PPIL1: variants seen among roughly 807,000 people sequenced by gnomAD.
PPIL1 encodes the protein peptidyl-prolyl cis-trans isomerase-like 1.
PPIL1 carries 14 observed loss-of-function variants against 19.4 expected under a neutral mutation model. The ratio of observed to expected loss-of-function variants is 0.72; its 90% confidence interval spans 0.48 to 1.13. The LOEUF is 1.13. Ranked by LOEUF, PPIL1 falls within the 50% of genes most tolerant of loss-of-function variation. PPIL1 has a pLI of 0.00. For synonymous variants in PPIL1, 72 were observed against 73.6 expected, an observed-to-expected ratio of 0.98 and a Z score of 0.11; for missense variants, 192 against 218.0, an observed-to-expected ratio of 0.88 and a Z score of 0.75.
intron 1 of PPIL1, among the ~76,000 whole-genome samples, chr6:36,872,887 A>T (rs1774546430): frequency 1.3e-5 from 2 of 152,182 alleles, no homozygotes; most frequent in African/African-American, 2.4e-5. Context: ...TGGATTACAG[A>T]TGTGAGCTAT....
intron 2 of PPIL1, among the ~76,000 whole-genome samples, chr6:36,859,754 C>G (rs904532871): frequency 2.6e-5 from 4 of 151,592 alleles, no homozygotes; most frequent in Non-Finnish European, 5.9e-5. Context: ...GGAAGCTTTG[C>G]AGGTTCTGTG....
chr6:36,872,613 AT>A (rs564664124), intron 1 of PPIL1, among the ~76,000 whole-genome samples: 62 of 146,878 alleles, frequency 4.2e-4, no homozygotes, highest in Middle Eastern at 3.5e-3. Context: ...GGATGTGACA[AT>A]TTTTTTTTTT....
chr6:36,856,071 A>C (rs1583103576), intron 3 of PPIL1, 38 bp from the exon 4 acceptor site: 2 of 1,578,530 alleles, frequency 1.3e-6, no homozygotes, highest in Admixed American at 1.8e-5. Context: ...AGTATAAATA[A>C]CCCCACAGGT....
chr6:36,870,820 C>T (rs960662941), intron 2 of PPIL1, among the ~76,000 whole-genome samples: 1 of 152,142 alleles, frequency 6.6e-6, no homozygotes, highest in East Asian at 1.9e-4. Context: ...CAGAGCGTTT[C>T]ACCATGTTGG....
chr6:36,871,623 C>G, intron 2 of PPIL1, 95 bp downstream of exon 2: 1 of 1,443,166 alleles, frequency 6.9e-7, no homozygotes, highest in Non-Finnish European at 9.4e-7. Flanking sequence ...CACCTATTTA[C>G]GACAGAGACT....
chr6:36,860,839 A>G (rs1162286850), intron 2 of PPIL1, among the ~76,000 whole-genome samples: 1 of 152,186 alleles, frequency 6.6e-6, no homozygotes, highest in East Asian at 1.9e-4. Context: ...TACCCCTAAA[A>G]AAAAAAAGTA....
chr6:36,866,293 G>A (rs901278812), intron 2 of PPIL1, among the ~76,000 whole-genome samples: 2 of 152,218 alleles, frequency 1.3e-5, no homozygotes, highest in Non-Finnish European at 2.9e-5. Context: ...AAGAAAGCAT[G>A]TGGAAAGAAT....
chr6:36,865,022 T>C (rs943295410), intron 2 of PPIL1, among the ~76,000 whole-genome samples: 7 of 151,710 alleles, frequency 4.6e-5, no homozygotes, highest in Non-Finnish European at 1.0e-4. Context: ...GCTCCCACTT[T>C]GTGTCAAGCC....
At chr6:36,873,705 A>T (rs1774569294) in intron 1 of PPIL1, among the ~76,000 whole-genome samples, 2 of 152,358 alleles carry the variant, frequency 1.3e-5, no homozygotes, top group South Asian at 2.1e-4. Flanking sequence ...GCCAGGGAGC[A>T]TGAAATGAAC....
In PPIL1 at chr6:36,859,199, G is replaced by C. The variant is rs372590745; in HGVS notation, c.212-2545C>G. Among the ~76,000 whole-genome samples, 4 of 152,258 alleles carry C rather than the reference G, an allele frequency of 2.6e-5. No individual in the cohort carries two copies. In the East Asian group the frequency reaches 5.8e-4, roughly 22 times the overall value. On this transcript the variant is annotated intron_variant, in intron 2 of 3. Transcript: ENST00000373699. ...TCCAGCACTTTGGGAGGCCGAGGCA[G>C]GCAGATCATGAGGTCAGGAGTTTGA...
intron 2 of PPIL1, among the ~76,000 whole-genome samples, chr6:36,857,937 G>A (rs952080002): frequency 6.6e-6 from 1 of 152,074 alleles, no homozygotes; most frequent in Non-Finnish European, 1.5e-5. Flanking sequence ...AGAGCAAAAG[G>A]ATGTAAGTTA....
chr6:36,874,775 C>A lies in PPIL1; in HGVS notation c.-3G>T. 1.9e-6 allele frequency: 3 copies of A among 1,614,082 alleles called. No individual in the cohort carries two copies. The highest frequency in any genetic ancestry group is 2.7e-5 in the African/African-American group (2 of 75,056). On this transcript the variant is annotated 5_prime_UTR_variant, in exon 1 of 4. Coordinates refer to ENST00000373699, the MANE Select transcript of PPIL1 (RefSeq NM_016059.5). ...GAATCTGGGGGAATTGCCGCCATAG[C>A]GAAGCCGGCGGCGGAATGCTTGTCT...
chr6:36,868,653 C>CA, intron 2 of PPIL1, among the ~76,000 whole-genome samples: 1 of 152,212 alleles, frequency 6.6e-6, no homozygotes. Context: ...GCCTCAGCAA[C>CA]AGTGAGACCT....
chr6:36,868,808 C>T (rs1774449250), intron 2 of PPIL1, among the ~76,000 whole-genome samples: 1 of 151,884 alleles, frequency 6.6e-6, no homozygotes, highest in Non-Finnish European at 1.5e-5. Context: ...TGTACTCGAG[C>T]CTGGGCCTAG....
chr6:36,856,074 C>T lies in PPIL1; in HGVS notation c.281-41G>A, dbSNP rs544086562. On this transcript the variant is annotated intron_variant, in intron 3 of 3. Transcript: ENST00000373699. ...AAGAAAGGAAAGAGTATAAATAACC[C>T]CACAGGTCCAGTGTAGAGCTGCTGC... 15 of 1,576,046 alleles carry T rather than the reference C, an allele frequency of 9.5e-6. 1 individual carries two copies. Among genetic ancestry groups the T allele is most frequent in the Middle Eastern group, 3.3e-4 (2 of 5,992 alleles).
At chr6:36,858,930 C>T (rs906303190) in intron 2 of PPIL1, among the ~76,000 whole-genome samples, 1 of 152,168 alleles carries the variant, frequency 6.6e-6, no homozygotes, top group Non-Finnish European at 1.5e-5. Flanking sequence ...AGAGGCCAGG[C>T]TCTGCGTGCA....
At chr6:36,871,615 C>A in intron 2 of PPIL1, 103 bp downstream of exon 2, 2 of 1,383,560 alleles carry the variant, frequency 1.4e-6, no homozygotes, top group Non-Finnish European at 2.0e-6. Context: ...TGCCTTATCA[C>A]CTATTTACGA....
rs916519027 is a variant in PPIL1 at position 36,856,629 on chromosome 6, G to T, written c.237C>A (p.Gly79=). The change falls in exon 3 of 4, where the codon GGC becomes GGA. Residue 79 remains glycine (G), a synonymous_variant. Transcript: ENST00000373699. ...GTGRGGASIY[G]KQFEDELHPD... is the part of the protein sequence containing the mutation. ...GATGAAGTTCATCTTCAAACTGTTT[G>T]CCATAGATAGATGCACCACCTCGAC... 4 of 1,613,948 alleles carry T rather than the reference G, an allele frequency of 2.5e-6. No individual in the cohort carries two copies. The highest frequency in any genetic ancestry group is 3.4e-6 in the Non-Finnish European group (4 of 1,179,988).
In PPIL1 at chr6:36,857,234, G is replaced by A. The variant is rs888166335; in HGVS notation, c.212-580C>T. On this transcript the variant is annotated intron_variant, in intron 2 of 3. Coordinates refer to ENST00000373699, the MANE Select transcript of PPIL1 (RefSeq NM_016059.5). ...ATTTGCCACCCTTAACCTAGGTGAT[G>A]GAAAATAAAATTCATTTAAGTTAAA... Among the ~76,000 whole-genome samples the A allele has an allele frequency of 3.3e-5, 5 of 152,146 alleles. No homozygotes were observed. The East Asian group carries it at 9.6e-4, about 29-fold the overall frequency.
Sources: allele counts gnomAD v4.1 joint callset (sites outside exome capture counted in the v4.1 genomes callset), GRCh38; gene constraint gnomAD v4.1.1; transcripts MANE v1.5; gene names NCBI Gene and HGNC (gene_info 2026-07-23, HGNC 2026-07-21).